The following GNAQ variants were observed in gnomAD, a reference collection of about 807,000 sequenced individuals.
GNAQ encodes G protein subunit alpha q.
GNAQ carries 8 observed loss-of-function variants against 43.9 expected under a neutral mutation model. The ratio of observed to expected loss-of-function variants is 0.18; its 90% CI spans 0.11 to 0.33. The LOEUF is 0.33. GNAQ is among the 10% of genes least tolerant of loss of function. The pLI, the probability that GNAQ is intolerant of heterozygous loss-of-function variation, is 1.00. For missense variants in GNAQ, 158 were observed against 450.8 expected (o/e 0.35, Z 5.88); for synonymous variants, 155 against 170.7 (o/e 0.91, Z 0.71).
At chr9:77,951,134 G>C (rs2118381939) in intron 1 of GNAQ, among the ~76,000 whole-genome samples, 1 of 114,422 alleles carries the variant, frequency 8.7e-6, no homozygotes, top group South Asian at 2.9e-4. Flanking sequence ...ATCTCACTCT[G>C]TCACCTAGGC....
At chr9:77,914,010 A>G (rs992131003) in intron 2 of GNAQ, among the ~76,000 whole-genome samples, 3 of 152,220 alleles carry the variant, frequency 2.0e-5, no homozygotes, top group African/African-American at 7.2e-5. Flanking sequence ...CATCCTAGAA[A>G]GGCAATATGG....
chr9:77,978,846 G>T (rs532229083), intron 1 of GNAQ, among the ~76,000 whole-genome samples: 24 of 152,126 alleles, frequency 1.6e-4, no homozygotes, highest in Non-Finnish European at 3.5e-4. Context: ...ATCAATTGAG[G>T]TCAGTTCAAG....
chr9:77,868,209 A>T (rs966864731), intron 2 of GNAQ, among the ~76,000 whole-genome samples: 1 of 152,226 alleles, frequency 6.6e-6, no homozygotes, highest in African/African-American at 2.4e-5. Flanking sequence ...AATAGAAATA[A>T]TAGCAAATGG....
chr9:77,930,620 AAAAT>A (rs1286760016), intron 1 of GNAQ, among the ~76,000 whole-genome samples: 14 of 152,334 alleles, frequency 9.2e-5, no homozygotes, highest in Admixed American at 3.3e-4. Context: ...ATTAACTAAC[AAAAT>A]AAACATACAT....
At chr9:77,938,539 A>G (rs1450008648) in intron 1 of GNAQ, among the ~76,000 whole-genome samples, 2 of 152,232 alleles carry the variant, frequency 1.3e-5, no homozygotes, top group Non-Finnish European at 2.9e-5. Flanking sequence ...TAAGTGCCTG[A>G]AATTGTGTGG....
rs113009924 is a variant in GNAQ at position 77,948,908 on chromosome 9, G to C, written c.137-26563C>G. Among the ~76,000 whole-genome samples the C allele has an allele frequency of 5.9e-3, 899 of 152,148 alleles. 3 individuals carry two copies. The highest frequency in any genetic ancestry group is 0.02 in the African/African-American group (850 of 41,520). ...CATTTGGGAGTCACATTGGAACTTG[G>C]TGTCGGTTCCTCTGCCCACAATGTC... is the stretch of plus-strand genomic sequence containing the variant. On this transcript the variant is annotated intron_variant, in intron 1 of 6. Transcript: ENST00000286548.
chr9:77,825,378 C>A (rs564426606), intron 2 of GNAQ, among the ~76,000 whole-genome samples: 1 of 152,320 alleles, frequency 6.6e-6, no homozygotes, highest in East Asian at 1.9e-4. Flanking sequence ...CACCTAGCAA[C>A]TGCCCACTGA....
At chr9:78,012,160 TAA>T (rs200008254) in intron 1 of GNAQ, among the ~76,000 whole-genome samples, 1 of 151,374 alleles carries the variant, frequency 6.6e-6, no homozygotes, top group African/African-American at 2.4e-5. Context: ...GCAAGGTAGG[TAA>T]AAAAGAGGTC....
Position 77,718,958 on chromosome 9 carries a change from T to A in GNAQ, c.*2365A>T, listed in dbSNP as rs1465443205. ...ATCCTAGATCAAATGGCAAAAGTTC[T>A]ACAAAGTTGGTTTCCATGTTTGTAT... is the stretch of plus-strand genomic sequence containing the variant. On this transcript the variant is annotated 3_prime_UTR_variant, in exon 7 of 7. Coordinates refer to ENST00000286548, the MANE Select transcript of GNAQ (RefSeq NM_002072.5). 1.3e-5 allele frequency: 3 copies of A among 232,268 alleles called. No individual in the cohort carries two copies. Among genetic ancestry groups the A allele is most frequent in the African/African-American group, 6.6e-5 (3 of 45,290 alleles). 14.4% of individuals were successfully genotyped at this position (232,268 alleles called of 1,614,324 possible).
At chr9:77,906,572 TA>T (rs1383399617) in intron 2 of GNAQ, among the ~76,000 whole-genome samples, 5 of 152,102 alleles carry the variant, frequency 3.3e-5, no homozygotes, top group Admixed American at 6.6e-5. Flanking sequence ...TATACTCGAT[TA>T]AAAAAAATCA....
At chr9:77,981,944 T>C (rs759627240) in intron 1 of GNAQ, among the ~76,000 whole-genome samples, 2 of 152,208 alleles carry the variant, frequency 1.3e-5, no homozygotes, top group African/African-American at 2.4e-5. Flanking sequence ...ATTTAACAAT[T>C]AACTGACTTG....
At chr9:77,919,086 A>C (rs1828958607) in intron 2 of GNAQ, among the ~76,000 whole-genome samples, 1 of 151,984 alleles carries the variant, frequency 6.6e-6, no homozygotes, top group Non-Finnish European at 1.5e-5. Flanking sequence ...CGCCTGGCTA[A>C]TTTTTGTATT....
At chr9:77,733,650 G>C (rs116983018) in intron 5 of GNAQ, among the ~76,000 whole-genome samples, 1 of 152,148 alleles carries the variant, frequency 6.6e-6, no homozygotes, top group African/African-American at 2.4e-5. Context: ...GTTTGCCAAC[G>C]GTTCAGTGGA....
At chr9:77,741,284 T>C (rs554205899) in intron 5 of GNAQ, among the ~76,000 whole-genome samples, 5 of 152,366 alleles carry the variant, frequency 3.3e-5, no homozygotes, top group South Asian at 2.1e-4. Flanking sequence ...ACCTGAATTA[T>C]TAGTAACATT....
chr9:77,954,430 G>A (rs1354660379), intron 1 of GNAQ, among the ~76,000 whole-genome samples: 1 of 152,174 alleles, frequency 6.6e-6, no homozygotes, highest in Non-Finnish European at 1.5e-5. Flanking sequence ...AGAACTGAGA[G>A]CACTACAATT....
chr9:77,788,683 T>C (rs1826521772), intron 5 of GNAQ, among the ~76,000 whole-genome samples: 1 of 152,202 alleles, frequency 6.6e-6, no homozygotes, highest in Non-Finnish European at 1.5e-5. Context: ...ATATACTCTT[T>C]TCTCTCACTC....
intron 2 of GNAQ, among the ~76,000 whole-genome samples, chr9:77,878,833 G>T (rs529797740): frequency 1.2e-3 from 178 of 152,166 alleles, no homozygotes; most frequent in Admixed American, 2.5e-3. Context: ...GTCACTTGAG[G>T]TCAGGAGTTC....
At chr9:77,868,266 G>A (rs370590814) in intron 2 of GNAQ, among the ~76,000 whole-genome samples, 9 of 152,228 alleles carry the variant, frequency 5.9e-5, no homozygotes, top group African/African-American at 2.2e-4. Flanking sequence ...AACATTCTTG[G>A]TGTTCAGTAT....
intron 2 of GNAQ, among the ~76,000 whole-genome samples, chr9:77,882,172 A>G (rs2031879): frequency 0.77 from 116,355 of 152,034 alleles, 44,623 homozygotes; most frequent in Admixed American, 0.83. Flanking sequence ...ATAAAAAAAC[A>G]GCAGTATGAG....
Sources: gnomAD v4.1 joint callset for allele counts (sites outside exome capture counted in the v4.1 genomes callset) on GRCh38, gnomAD v4.1.1 for gene constraint, MANE v1.5 for transcripts, NCBI Gene and HGNC (gene_info 2026-07-23, HGNC 2026-07-21) for gene names.